MYOM1: variants seen among roughly 807,000 people sequenced by gnomAD.
MYOM1 encodes the protein myomesin 1.
In MYOM1, 164 loss-of-function variants were observed where a neutral mutation model predicts 205.3. That is an observed-to-expected ratio of 0.80 (90% CI 0.70 to 0.91). The LOEUF (loss-of-function observed/expected upper bound fraction) is 0.91. Ranked by LOEUF, MYOM1 falls within the 40% of genes least tolerant of loss-of-function variation. MYOM1 has a pLI of 0.00. For synonymous variants in MYOM1, 772 were observed against 789.4 expected (o/e 0.98, Z 0.37); for missense variants, 2,011 against 2,127.3 (o/e 0.95, Z 1.08).
At chr18:3,102,710 C>G in intron 22 of MYOM1, 80 bp from the exon 23 acceptor site, 1 of 1,473,034 alleles carries the variant, frequency 6.8e-7, no homozygotes, top group Non-Finnish European at 9.2e-7. Flanking sequence ...AGATTCTTTA[C>G]TTTAACCCTA....
the MYOM1 span, among the ~76,000 whole-genome samples, chr18:3,232,604 T>A: frequency 6.6e-6 from 1 of 152,184 alleles, no homozygotes; most frequent in African/African-American, 2.4e-5. Context: ...TAAATATGTG[T>A]AGTTTATTGT....
intron 12 of MYOM1, 139 bp downstream of exon 12, chr18:3,151,555 G>T: frequency 1.7e-6 from 1 of 604,662 alleles, no homozygotes; most frequent in Non-Finnish European, 2.6e-6. Context: ...TCTCCCCCTC[G>T]GATTTTCTGA....
At chr18:3,097,545 T>C (rs1385605558) in intron 25 of MYOM1, among the ~76,000 whole-genome samples, 1 of 152,106 alleles carries the variant, frequency 6.6e-6, no homozygotes, top group Non-Finnish European at 1.5e-5. Context: ...CGCCTCAGTC[T>C]CTCGAGGAGC....
At position 3,119,989 on chromosome 18, in the gene MYOM1, T is replaced by C. The variant is rs2079663451; in HGVS notation, c.2998A>G (p.Asn1000Asp). 2 of 1,596,746 alleles carry C rather than the reference T, an allele frequency of 1.3e-6. No homozygotes were observed. Among genetic ancestry groups the C allele is most frequent in the East Asian group, 4.5e-5 (2 of 44,510 alleles). Residue 1000 changes from asparagine to aspartate, a missense_variant, in exon 20 of 38, where the codon AAC becomes GAC. Asn to Asp is a conservative substitution (Grantham distance 23, BLOSUM62 1). Coordinates refer to ENST00000356443, the MANE Select transcript of MYOM1 (RefSeq NM_003803.4). Reference sequence around the variant, plus strand: ...TGATACACCATGTTTTCCTTCAAGTTGCTAATCTGCAACATTGACAACATC... The same window carrying C: ...TGATACACCATGTTTTCCTTCAAGTCGCTAATCTGCAACATTGACAACATC... ...AVSEEAYKIS[N>D]LKENMVYQFQ...
At chr18:3,129,019 G>C (rs2079835506) in intron 18 of MYOM1, among the ~76,000 whole-genome samples, 1 of 152,210 alleles carries the variant, frequency 6.6e-6, no homozygotes, top group Non-Finnish European at 1.5e-5. Context: ...GCATCATTAA[G>C]CACCCAAAAT....
chr18:3,085,193 A>ATTTTT, intron 30 of MYOM1, 61 bp from the exon 31 acceptor site: 1 of 503,900 alleles, frequency 2.0e-6, no homozygotes, highest in South Asian at 3.0e-5. Flanking sequence ...GGTATCTGTG[A>ATTTTT]TTTTTTTTTT....
intron 33 of MYOM1, 64 bp from the exon 34 acceptor site, chr18:3,079,406 CTCTCA>C (rs1488246286): frequency 6.7e-7 from 1 of 1,494,678 alleles, no homozygotes. Context: ...TTTACTTTGT[CTCTCA>C]TTGAAGCTCT....
At position 3,134,640 on chromosome 18, in the gene MYOM1, A is replaced by C; in HGVS notation, c.2384+10T>G. 6.2e-7 allele frequency: 1 copy of C among 1,603,906 alleles called. No homozygotes were observed. ...GGCCATTGCCCGCCCTGCACACCCG[A>C]CTGAGTTACCGTGAGCCCTTCACGG... On this transcript the variant is annotated intron_variant, in intron 16 of 37. Coordinates refer to ENST00000356443, the MANE Select transcript of MYOM1 (RefSeq NM_003803.4).
chr18:3,216,766 C>T (rs2081272822), intron 1 of MYOM1, among the ~76,000 whole-genome samples: 1 of 152,178 alleles, frequency 6.6e-6, no homozygotes, highest in Admixed American at 6.5e-5. Context: ...TGAGCTGAGA[C>T]TCATTCTCGC....
At chr18:3,112,027 G>C (rs1041721216) in intron 22 of MYOM1, among the ~76,000 whole-genome samples, 16 of 152,182 alleles carry the variant, frequency 1.1e-4, no homozygotes, top group Non-Finnish European at 2.4e-4. Flanking sequence ...TGGAACAGTT[G>C]GTCCGGGAAG....
intron 10 of MYOM1, among the ~76,000 whole-genome samples, chr18:3,160,807 T>C (rs1346596469): frequency 1.3e-5 from 2 of 152,208 alleles, no homozygotes; most frequent in African/African-American, 4.8e-5. Flanking sequence ...ATTTGAAAGC[T>C]GGCTTAAGTA....
the MYOM1 span, among the ~76,000 whole-genome samples, chr18:3,227,643 C>T: frequency 6.6e-6 from 1 of 151,944 alleles, no homozygotes; most frequent in African/African-American, 2.4e-5. Flanking sequence ...ATGGTGAAAC[C>T]CTGCTTTTAC....
chr18:3,123,343 T>C, intron 19 of MYOM1, among the ~76,000 whole-genome samples: 1 of 152,118 alleles, frequency 6.6e-6, no homozygotes, highest in Non-Finnish European at 1.5e-5. Context: ...GAAATCAATA[T>C]ATAAAAGTTA....
intron 2 of MYOM1, among the ~76,000 whole-genome samples, chr18:3,212,489 A>G (rs2081202886): frequency 6.6e-6 from 1 of 152,234 alleles, no homozygotes; most frequent in African/African-American, 2.4e-5. Context: ...TGGCTAAAAG[A>G]AGGATTTGTA....
chr18:3,197,203 C>A (rs922681404), intron 2 of MYOM1, among the ~76,000 whole-genome samples: 1 of 148,762 alleles, frequency 6.7e-6, no homozygotes, highest in Non-Finnish European at 1.5e-5. Flanking sequence ...ATGGCGCGAT[C>A]TCGGCTCACT....
At chr18:3,075,553 AT>A in intron 35 of MYOM1, 77 bp from the exon 36 acceptor site, 1 of 1,519,896 alleles carries the variant, frequency 6.6e-7, no homozygotes, top group Non-Finnish European at 9.1e-7. Flanking sequence ...ACTTGACGAC[AT>A]TTTCCTTGCC....
intron 12 of MYOM1, 115 bp from the exon 13 acceptor site, chr18:3,149,316 A>T: frequency 1.3e-6 from 1 of 776,090 alleles, no homozygotes; most frequent in South Asian, 1.8e-5. Flanking sequence ...TTACTAATAG[A>T]CTTATGTGTT....
At chr18:3,155,930 G>T (rs1368008792) in intron 10 of MYOM1, among the ~76,000 whole-genome samples, 1 of 152,154 alleles carries the variant, frequency 6.6e-6, no homozygotes, top group Non-Finnish European at 1.5e-5. Context: ...CTTAGGAAAA[G>T]AACTCCAATG....
chr18:3,175,025 G>A (rs2080616726), intron 6 of MYOM1, among the ~76,000 whole-genome samples: 1 of 151,870 alleles, frequency 6.6e-6, no homozygotes, highest in Non-Finnish European at 1.5e-5. Flanking sequence ...TGTTTCTCGG[G>A]GTTTAGTTTC....
Sources: allele counts gnomAD v4.1 joint callset (sites outside exome capture counted in the v4.1 genomes callset), GRCh38; gene constraint gnomAD v4.1.1; transcripts MANE v1.5; gene names NCBI Gene and HGNC (gene_info 2026-07-23, HGNC 2026-07-21).